CLSPN: variants seen among roughly 807,000 people sequenced by gnomAD.
CLSPN encodes the protein claspin, also known as claspin homolog.
In CLSPN, 85 loss-of-function variants were observed where a neutral mutation model predicts 156.3. The observed-to-expected ratio is 0.54, with a 90% confidence interval of 0.46 to 0.65. The LOEUF (loss-of-function observed/expected upper bound fraction) is 0.65. Ranked by LOEUF, CLSPN falls within the 30% of genes least tolerant of loss-of-function variation. The probability of loss-of-function intolerance (pLI) is 0.00; values close to 1 mark genes in which losing one functional copy is unlikely to be tolerated. For missense variants in CLSPN, 1,407 were observed against 1,554.9 expected (o/e 0.90, Z 1.60); for synonymous variants, 534 against 542.4 (o/e 0.98, Z 0.22).
Position 35,736,053 on chromosome 1 carries a change from A to T in CLSPN, c.*443T>A. On this transcript the variant is annotated 3_prime_UTR_variant, in exon 25 of 25. Coordinates refer to ENST00000318121, the MANE Select transcript of CLSPN (RefSeq NM_022111.4). ...GCCAACATGGTGAAACCCCGTCTCT[A>T]CTAAAAATACAAAAATTAGCTGGGC... is the stretch of plus-strand genomic sequence containing the variant. The T allele has an allele frequency of 1.6e-6, 1 of 620,246 alleles. No homozygotes were observed. The highest frequency in any genetic ancestry group is 2.0e-6 in the Non-Finnish European group (1 of 496,692). The allele number at this position is 620,246 out of a possible 1,614,324, so 38.4% of individuals were successfully genotyped here. A position where few individuals can be genotyped will look rare whatever the true frequency, so the allele number is the denominator to read the frequency against.
At chr1:35,736,817 C>A (rs1299405822) in intron 24 of CLSPN, 97 bp downstream of exon 24, 3 of 1,405,712 alleles carry the variant, frequency 2.1e-6, no homozygotes, top group Non-Finnish European at 2.9e-6. Flanking sequence ...TTCAACATTG[C>A]AGCATAGAGG....
At position 35,736,551 on chromosome 1, in the gene CLSPN, G is replaced by T. The variant is rs1641481123; in HGVS notation, c.3965C>A (p.Thr1322Lys). Residue 1322 changes from threonine to lysine, a missense_variant, in exon 25 of 25, where the codon ACA (threonine) becomes AAA (lysine). By Grantham distance (78) the Thr-to-Lys change is moderately conservative. Around this residue, in one of 3 missense-constraint regions of CLSPN, gnomAD observed 241 missense variants for 240.5 expected, o/e 1.00. Coordinates refer to ENST00000318121, the MANE Select transcript of CLSPN (RefSeq NM_022111.4). Reference protein sequence around the residue: ...MTSPSPKHLKTDDSTSGLTRS... With the variant: ...MTSPSPKHLKKDDSTSGLTRS... ...CGTCAATCCTGAAGTGCTATCATCTGTTTTGAGGTGCTTAGGTGAAGGAGA... is the reference window on the plus strand; with the variant it reads ...CGTCAATCCTGAAGTGCTATCATCTTTTTTGAGGTGCTTAGGTGAAGGAGA... 6.2e-7 allele frequency: 1 copy of T among 1,612,710 alleles called. No individual in the cohort carries two copies. The highest frequency in any genetic ancestry group is 2.2e-5 in the East Asian group (1 of 44,814).
intron 24 of CLSPN, among the ~76,000 whole-genome samples, chr1:35,721,856 G>C (rs1641080475): frequency 6.6e-6 from 1 of 151,892 alleles, no homozygotes; most frequent in Non-Finnish European, 1.5e-5. Context: ...AGCCTATATT[G>C]GGCCTGGTGT....
In CLSPN at chr1:35,748,075, A is replaced by T. The variant is rs1369103978; in HGVS notation, c.2473-14T>A. On this transcript the variant is annotated splice_polypyrimidine_tract_variant and intron_variant, in intron 13 of 24. Transcript: ENST00000318121. ...TTTCCCTGAACTCTGGCACACAAAC[A>T]AAAACAAACAATAACAAAACATTTT... 2 of 1,590,842 alleles carry T rather than the reference A, an allele frequency of 1.3e-6. No homozygotes were observed. The highest frequency in any genetic ancestry group is 1.7e-6 in the Non-Finnish European group (2 of 1,173,178).
chr1:35,731,868 T>G (rs1265518390), downstream of CLSPN, among the ~76,000 whole-genome samples: 1 of 152,160 alleles, frequency 6.6e-6, no homozygotes, highest in Admixed American at 6.5e-5. Flanking sequence ...ATTTTAAGTT[T>G]GAGATATTTG....
At chr1:35,748,662 T>A in intron 12 of CLSPN, 58 bp from the exon 13 acceptor site, 2 of 1,450,048 alleles carry the variant, frequency 1.4e-6, no homozygotes, top group South Asian at 2.3e-5. Context: ...TGGATTTGTT[T>A]AGGAAAAAGA....
downstream of CLSPN, chr1:35,732,012 G>T: frequency 3.8e-6 from 1 of 265,034 alleles, no homozygotes. Flanking sequence ...TTACAGAGTG[G>T]CACTTGACAT....
In CLSPN at chr1:35,720,958, T is replaced by TC. The variant is rs1221621476; in HGVS notation, c.3931dup (p.Asp1311GlyfsTer19). ...AGGAGCTCCACTCCAGGTGAGCCAG[T>TC]CAGAGTCCTTCTCTGGGATCTTCTG... On this transcript the variant is annotated frameshift_variant, in exon 25 of 25. Coordinates refer to the CLSPN transcript ENST00000251195. LOFTEE classifies it high-confidence loss of function. The TC allele has an allele frequency of 1.2e-6, 2 of 1,611,008 alleles. No individual in the cohort carries two copies. Among genetic ancestry groups the TC allele is most frequent in the Admixed American group, 3.3e-5 (2 of 59,818 alleles).
In CLSPN at chr1:35,736,472, T is replaced by A; in HGVS notation, c.*24A>T. 6.4e-7 allele frequency: 1 copy of A among 1,566,366 alleles called. No homozygotes were observed. The highest frequency in any genetic ancestry group is 8.6e-7 in the Non-Finnish European group (1 of 1,159,462). The stretch of plus-strand genomic sequence containing the variant: ...GAAACTTCTCAAAGCAGTCTCAATG[T>A]AGATTTTGGCACCTTTGATGGTGTT... On this transcript the variant is annotated 3_prime_UTR_variant, in exon 25 of 25. Coordinates refer to ENST00000318121, the MANE Select transcript of CLSPN (RefSeq NM_022111.4).
At chr1:35,753,077 T>C (rs1264630136) in intron 9 of CLSPN, among the ~76,000 whole-genome samples, 3 of 152,174 alleles carry the variant, frequency 2.0e-5, no homozygotes, top group Non-Finnish European at 4.4e-5. Flanking sequence ...GATCACATTA[T>C]AGGTGGGTTG....
chr1:35,746,666 A>T lies in CLSPN; in HGVS notation c.2854+100T>A. Reference sequence around the variant, plus strand: ...ATCCAACTTAGCCTCCCAAAGTTCTAGGATTACAGGCATGAGCCACCCCAC... The same window carrying T: ...ATCCAACTTAGCCTCCCAAAGTTCTTGGATTACAGGCATGAGCCACCCCAC... On this transcript the variant is annotated intron_variant, in intron 15 of 24. Transcript: ENST00000318121. The surrounding 1 kb of genome is among the most constrained non-coding windows in gnomAD (Gnocchi z 4.2). 1 of 760,572 alleles carries T rather than the reference A, an allele frequency of 1.3e-6. No homozygotes were observed. Among genetic ancestry groups the T allele is most frequent in the Non-Finnish European group, 2.2e-6 (1 of 447,718 alleles). The allele number at this position is 760,572 out of a possible 1,614,324, so 47.1% of individuals were successfully genotyped here.
chr1:35,732,915 T>G lies in CLSPN; in HGVS notation c.*3581A>C, dbSNP rs887319275. On this transcript the variant is annotated 3_prime_UTR_variant, in exon 25 of 25. Transcript: ENST00000318121. ...ACCCAGAGTTTGACTCAAGTTTTCT[T>G]TCTCCAAAGAGTGCTTTCTCCCAGG... 152 of 985,292 alleles carry G rather than the reference T, an allele frequency of 1.5e-4. No homozygotes were observed. Among genetic ancestry groups the G allele is most frequent in the Non-Finnish European group, 1.7e-4 (145 of 829,930 alleles). 61.0% of individuals were successfully genotyped at this position (985,292 alleles called of 1,614,324 possible).
intron 9 of CLSPN, among the ~76,000 whole-genome samples, chr1:35,752,186 C>T (rs1323072524): frequency 6.6e-6 from 1 of 152,048 alleles, no homozygotes; most frequent in East Asian, 1.9e-4. Context: ...ACACTGTATG[C>T]AATAGCAACA....
chr1:35,746,942 C>T lies in CLSPN; in HGVS notation c.2678G>A (p.Arg893Gln), dbSNP rs747107102. 1.1e-5 allele frequency: 18 copies of T among 1,614,140 alleles called. No individual in the cohort carries two copies. Among genetic ancestry groups the T allele is most frequent in the East Asian group, 2.2e-5 (1 of 44,870 alleles). ...CTCATCCATACTGGCCAATGGCAAT[C>T]GAGGCTTCAAAGCTTGGTACTGATT... ...HRNQYQALKP[R>Q]LPLASMDENA... Residue 893 changes from arginine to glutamine, a missense_variant, in exon 15 of 25, where the codon CGA becomes CAA. This residue lies in a region of CLSPN where 1,096 missense variants were observed against 1,193.0 expected (regional missense o/e 0.92). Transcript: ENST00000318121. This position sits in a 1 kb window ranked among gnomAD's most constrained non-coding sequence, Gnocchi z 4.2.
intron 22 of CLSPN, 145 bp from the exon 23 acceptor site, chr1:35,737,566 A>C (rs1641520718): frequency 3.3e-6 from 2 of 600,444 alleles, no homozygotes; most frequent in South Asian, 4.7e-5. Context: ...CTTTCAAACT[A>C]TAATAATTGG....
chr1:35,766,986 A>G (rs1642701070), intron 1 of CLSPN, among the ~76,000 whole-genome samples: 1 of 152,228 alleles, frequency 6.6e-6, no homozygotes, highest in Non-Finnish European at 1.5e-5. Flanking sequence ...ACCTCAGGTG[A>G]TCCGCCTGCC....
rs776997293 is a variant in CLSPN, at chr1:35,738,110, AAAAATAT to A, written c.3559-20_3559-14del. Reference sequence around the variant, plus strand: ...TCCCCTGCTGTGCCTGAAAAAAAAAAAAAATATATATATATATATATATATATATACA... The same window carrying A: ...TCCCCTGCTGTGCCTGAAAAAAAAAAATATATATATATATATATATATACA... On this transcript the variant is annotated splice_polypyrimidine_tract_variant and intron_variant, in intron 21 of 24. Transcript: ENST00000318121. The A allele has an allele frequency of 1.5e-3, 883 of 593,074 alleles. 11 individuals carry two copies. The African/African-American group carries it at 0.027, about 18-fold the overall frequency. 36.7% of individuals were successfully genotyped at this position (593,074 alleles called of 1,614,324 possible). A position where few individuals can be genotyped will look rare whatever the true frequency, so the allele number is the denominator to read the frequency against.
Position 35,764,627 on chromosome 1 carries a change from G to A in CLSPN, c.221C>T (p.Ala74Val). ...DSDSETEDTN[A>V]SPEKTTYDSA... Reference sequence around the variant, plus strand: ...GTCATAGGTAGTTTTCTCTGGAGAGGCATTTGTGTCCTCTGTTTCGGAATC... The same window carrying A: ...GTCATAGGTAGTTTTCTCTGGAGAGACATTTGTGTCCTCTGTTTCGGAATC... Residue 74 changes from alanine (A) to valine (V), a missense_variant, in exon 3 of 25, where the codon GCC becomes GTC. By Grantham distance (64) the Ala-to-Val change is moderately conservative. This residue lies in a region of CLSPN where 1,096 missense variants were observed against 1,193.0 expected (regional missense o/e 0.92). Transcript: ENST00000318121. 6.2e-7 allele frequency: 1 copy of A among 1,613,164 alleles called. No individual in the cohort carries two copies. The highest frequency in any genetic ancestry group is 8.5e-7 in the Non-Finnish European group (1 of 1,179,744).
chr1:35,725,884 A>G (rs1385350531), intron 24 of CLSPN, among the ~76,000 whole-genome samples: 1 of 151,976 alleles, frequency 6.6e-6, no homozygotes, highest in Non-Finnish European at 1.5e-5. Context: ...CAGGCTGGGG[A>G]AACATGGCCC....
Sources: gnomAD v4.1 joint callset for allele counts (sites outside exome capture counted in the v4.1 genomes callset) on GRCh38, gnomAD v4.1.1 for gene constraint, gnomAD v4.1.1 regional missense constraint, Gnocchi (gnomAD v3.1) non-coding constraint, MANE v1.5 for transcripts, NCBI Gene and HGNC (gene_info 2026-07-23, HGNC 2026-07-21) for gene names.